TRAK2: variants seen among roughly 807,000 people sequenced by gnomAD.
TRAK2 encodes the protein trafficking kinesin-binding protein 2.
A neutral mutation model predicts 104.6 loss-of-function variants in TRAK2; 81 were observed. That is an observed-to-expected ratio of 0.77 (90% CI 0.65 to 0.93). TRAK2 has a LOEUF of 0.93. TRAK2 is among the 40% of genes least tolerant of loss of function. The pLI is 0.00. For missense variants in TRAK2, 1,002 were observed against 1,089.0 expected, an observed-to-expected ratio of 0.92 and a Z score of 1.12; for synonymous variants, 406 against 394.4, an observed-to-expected ratio of 1.03 and a Z score of -0.35.
Position 201,394,881 on chromosome 2 carries a change from A to C in TRAK2, c.901-9T>G. The stretch of plus-strand genomic sequence containing the variant: ...TCCTTCTCAATCACATGCTAACAAC[A>C]TATTAAAAAAGACATGTGAAGCCTT... On this transcript the variant is annotated splice_polypyrimidine_tract_variant and intron_variant, in intron 8 of 15. Coordinates refer to ENST00000332624, the MANE Select transcript of TRAK2 (RefSeq NM_015049.3). The C allele has an allele frequency of 6.2e-7, 1 of 1,611,402 alleles. No homozygotes were observed. Among genetic ancestry groups the C allele is most frequent in the African/African-American group, 1.3e-5 (1 of 74,956 alleles).
intron 15 of TRAK2, among the ~76,000 whole-genome samples, chr2:201,383,253 A>G (rs559528301): frequency 6.6e-6 from 1 of 152,348 alleles, no homozygotes; most frequent in Admixed American, 6.5e-5. Flanking sequence ...TCTATGTCAC[A>G]ACTAATAGGA....
At chr2:201,420,250 G>T (rs527904433) in intron 2 of TRAK2, among the ~76,000 whole-genome samples, 167 bp downstream of exon 2, 1 of 152,194 alleles carries the variant, frequency 6.6e-6, no homozygotes, top group Non-Finnish European at 1.5e-5. Flanking sequence ...CTGTTAATGC[G>T]TCAGGGGACA....
intron 2 of TRAK2, among the ~76,000 whole-genome samples, chr2:201,418,339 C>G (rs1327434928): frequency 6.6e-6 from 1 of 152,094 alleles, no homozygotes; most frequent in African/African-American, 2.4e-5. Context: ...GCCACCACGC[C>G]CAGCTGTTTT....
chr2:201,425,451 G>A (rs911744659), intron 1 of TRAK2, among the ~76,000 whole-genome samples: 2 of 152,056 alleles, frequency 1.3e-5, no homozygotes, highest in African/African-American at 2.4e-5. Flanking sequence ...GCCCAGGTTG[G>A]AGTGCAATGG....
intron 1 of TRAK2, among the ~76,000 whole-genome samples, chr2:201,443,051 T>C (rs1951937985): frequency 6.6e-6 from 1 of 152,316 alleles, no homozygotes; most frequent in East Asian, 1.9e-4. Context: ...CTTTGGCTTA[T>C]TAAACATGCT....
Position 201,407,395 on chromosome 2 carries a change from A to C in TRAK2, c.286+8T>G. The C allele has an allele frequency of 6.2e-7, 1 of 1,608,526 alleles. No homozygotes were observed. Among genetic ancestry groups the C allele is most frequent in the Non-Finnish European group, 8.5e-7 (1 of 1,177,390 alleles). On this transcript the variant is annotated splice_region_variant and intron_variant, in intron 3 of 15. Coordinates refer to ENST00000332624, the MANE Select transcript of TRAK2 (RefSeq NM_015049.3). ...TGCACAAACTAAAAGAGTAAAAAAA[A>C]TACTCACTCATGTAACGGAAAGTCT... is the stretch of plus-strand genomic sequence containing the variant.
In TRAK2 at chr2:201,389,347, C is replaced by T. The variant is rs1951422516; in HGVS notation, c.1350G>A (p.Glu450=). 4.3e-6 allele frequency: 7 copies of T among 1,614,016 alleles called. No individual in the cohort carries two copies. The highest frequency in any genetic ancestry group is 4.0e-5 in the African/African-American group (3 of 74,908). ...KPFESGLQQT[E]DKSLLNQGSS... Reference sequence around the variant, plus strand: ...TCCCCTGGTTCAGGAGTGATTTGTCCTCTGTTTGCTGAAGACCAGACTCAA... The same window carrying T: ...TCCCCTGGTTCAGGAGTGATTTGTCTTCTGTTTGCTGAAGACCAGACTCAA... The change falls in exon 12 of 16, where the codon GAG becomes GAA. Residue 450 remains glutamate (E), a synonymous_variant. Transcript: ENST00000332624.
At chr2:201,446,716 G>A (rs778353465) in intron 1 of TRAK2, among the ~76,000 whole-genome samples, 15 of 152,164 alleles carry the variant, frequency 9.9e-5, no homozygotes, top group Non-Finnish European at 1.2e-4. Flanking sequence ...GTATGTTTAC[G>A]TTTAAAATGA....
In TRAK2 at chr2:201,403,422, C is replaced by CA. The variant is rs1203770176; in HGVS notation, c.287-2329dup. ...TCTCACAAGGTCATTAGAAAAAACT[C>CA]AGATGATGTAAGAGTCCAGTAATGA... On this transcript the variant is annotated intron_variant, in intron 3 of 15. Coordinates refer to ENST00000332624, the MANE Select transcript of TRAK2 (RefSeq NM_015049.3). 1.3e-5 allele frequency among the ~76,000 whole-genome samples: 2 copies of CA among 152,126 alleles called. 1 individual carries two copies. The highest frequency in any genetic ancestry group is 3.9e-4 in the East Asian group (2 of 5,190).
intron 12 of TRAK2, 40 bp from the exon 13 acceptor site, chr2:201,388,041 CATCAGCAT>C: frequency 1.3e-6 from 2 of 1,597,076 alleles, no homozygotes; most frequent in Non-Finnish European, 1.7e-6. Flanking sequence ...TCTTGAGGAT[CATCAGCAT>C]GACCCAGACC....
chr2:201,417,035 A>G (rs1453483153), intron 2 of TRAK2, among the ~76,000 whole-genome samples: 3 of 131,326 alleles, frequency 2.3e-5, no homozygotes, highest in Non-Finnish European at 3.3e-5. Flanking sequence ...AGACCCCATT[A>G]TAAGTTATCT....
At chr2:201,389,773 A>G in intron 11 of TRAK2, 28 bp downstream of exon 11, 2 of 1,554,638 alleles carry the variant, frequency 1.3e-6, no homozygotes, top group South Asian at 1.2e-5. Flanking sequence ...CCAATGATTG[A>G]GTAACAACAC....
chr2:201,410,631 G>C, intron 2 of TRAK2: 1 of 1,297,728 alleles, frequency 7.7e-7, no homozygotes, highest in South Asian at 1.2e-5. Context: ...GTGGGTTGAA[G>C]AAAGGATTAC....
intron 1 of TRAK2, among the ~76,000 whole-genome samples, chr2:201,423,037 CCACA>C (rs142826543): frequency 0.11 from 14,146 of 134,088 alleles, 847 homozygotes; most frequent in East Asian, 0.24. Context: ...AACACCACCA[CCACA>C]CACACACACA....
chr2:201,412,018 C>T, intron 2 of TRAK2: 1 of 1,027,128 alleles, frequency 9.7e-7, no homozygotes, highest in Non-Finnish European at 1.6e-6. Flanking sequence ...TGGTTAGTAG[C>T]AAATCCATTT....
At chr2:201,410,347 G>GA (rs1951634770) in intron 2 of TRAK2, among the ~76,000 whole-genome samples, 1 of 151,886 alleles carries the variant, frequency 6.6e-6, no homozygotes, top group Non-Finnish European at 1.5e-5. Context: ...TTGGTAAGAG[G>GA]AAAAAAATCC....
intron 7 of TRAK2, among the ~76,000 whole-genome samples, chr2:201,395,959 C>A (rs909833585): frequency 2.6e-5 from 4 of 152,200 alleles, no homozygotes; most frequent in African/African-American, 4.8e-5. Flanking sequence ...AGGAGACAGA[C>A]TTTCTGGCAT....
At position 201,412,516 on chromosome 2, in the gene TRAK2, A is replaced by G. The variant is rs373005575; in HGVS notation, c.92-4919T>C. ...AATGTCTTGCTTATTGCCTTCAAAT[A>G]TATGTTTCCTTTTATTAAATACAGC... On this transcript the variant is annotated intron_variant, in intron 2 of 15. Coordinates refer to ENST00000332624, the MANE Select transcript of TRAK2 (RefSeq NM_015049.3). The G allele has an allele frequency of 5.1e-6, 6 of 1,181,370 alleles. No individual in the cohort carries two copies. The East Asian group carries it at 1.2e-4, about 23-fold the overall frequency. The allele number at this position is 1,181,370 out of a possible 1,614,324, so 73.2% of individuals were successfully genotyped here.
intron 1 of TRAK2, among the ~76,000 whole-genome samples, chr2:201,443,390 GCTC>G (rs917433542): frequency 6.6e-6 from 1 of 152,068 alleles, no homozygotes; most frequent in African/African-American, 2.4e-5. Context: ...ATCTTACAAT[GCTC>G]ATTCTCAAAC....
Sources: allele counts gnomAD v4.1 joint callset (sites outside exome capture counted in the v4.1 genomes callset), GRCh38; gene constraint gnomAD v4.1.1; transcripts MANE v1.5; gene names NCBI Gene and HGNC (gene_info 2026-07-23, HGNC 2026-07-21).